Variants in LYZL4 observed in about 807,000 individuals in gnomAD.
LYZL4 encodes the protein lysozyme like 4, also known as lysozyme-like protein 4.
A neutral mutation model predicts 17.6 loss-of-function variants in LYZL4; 13 were observed. The observed-to-expected ratio is 0.74, with a 90% CI of 0.48 to 1.18. The LOEUF (loss-of-function observed/expected upper bound fraction) is 1.18. LYZL4 is among the 50% of genes most tolerant of loss of function. The probability of loss-of-function intolerance (pLI) is 0.00; values close to 1 mark genes in which losing one functional copy is unlikely to be tolerated. For synonymous variants in LYZL4, 64 were observed against 67.7 expected (o/e 0.95, Z 0.27); for missense variants, 174 against 188.2 (o/e 0.92, Z 0.44).
At chr3:42,395,933 G>A (rs568618844), downstream of LYZL4, among the ~76,000 whole-genome samples, 110 of 152,130 alleles carry the variant, frequency 7.2e-4, no homozygotes, top group African/African-American at 2.6e-3. Context: ...TTGTTGGTGC[G>A]TGCCTGCAAT....
chr3:42,382,559 A>G, the LYZL4 span, among the ~76,000 whole-genome samples: 1 of 151,874 alleles, frequency 6.6e-6, no homozygotes, highest in Non-Finnish European at 1.5e-5. Flanking sequence ...TCCTTATATA[A>G]CCCCAATCAT....
At chr3:42,376,567 GA>G in the LYZL4 span, among the ~76,000 whole-genome samples, 1 of 152,202 alleles carries the variant, frequency 6.6e-6, no homozygotes, top group Non-Finnish European at 1.5e-5. Context: ...ATAACTTCTG[GA>G]ACTTAAAAGA....
intron 4 of LYZL4, among the ~76,000 whole-genome samples, chr3:42,398,539 A>G (rs1185747843): frequency 1.3e-5 from 2 of 152,254 alleles, no homozygotes; most frequent in Admixed American, 6.5e-5. Context: ...TAAATTAGTG[A>G]TGAAAATGGG....
Position 42,397,323 on chromosome 3 carries a change from G to GC in LYZL4, c.382_383insG (p.Ser128CysfsTer35). 6.4e-7 allele frequency: 1 copy of GC among 1,572,664 alleles called. No individual in the cohort carries two copies. The highest frequency in any genetic ancestry group is 1.2e-5 in the South Asian group (1 of 85,212). On this transcript the variant is annotated frameshift_variant, in exon 5 of 5. Transcript: ENST00000287748. LOFTEE classifies it high-confidence loss of function. The stretch of plus-strand genomic sequence containing the variant: ...GGTATCGGAGTACTGGCAGTACCGG[G>GC]ACCAGGTGGGCCTGTGGAGAGAAGT...
At chr3:42,374,474 C>T in the LYZL4 span, among the ~76,000 whole-genome samples, 107,714 of 152,114 alleles carry the variant, frequency 0.71, 39,484 homozygotes, top group African/African-American at 0.91. Context: ...TACTTTTCAC[C>T]CAGCTTTGGG....
chr3:42,371,134 C>T, the LYZL4 span, among the ~76,000 whole-genome samples: 1 of 152,188 alleles, frequency 6.6e-6, no homozygotes, highest in Non-Finnish European at 1.5e-5. Context: ...CCTGGAACTC[C>T]CATCTCCCCT....
At chr3:42,408,463 AGGCCTC>A (rs1698803892) in intron 1 of LYZL4, among the ~76,000 whole-genome samples, 1 of 152,102 alleles carries the variant, frequency 6.6e-6, no homozygotes, top group Admixed American at 6.5e-5. Flanking sequence ...CTGCATCTTG[AGGCCTC>A]ACCCCGGGTG....
the LYZL4 span, among the ~76,000 whole-genome samples, chr3:42,369,764 C>A: frequency 1.3e-4 from 20 of 152,206 alleles, no homozygotes; most frequent in African/African-American, 4.8e-4. Flanking sequence ...ACCCCACAAC[C>A]CCTGCATGAT....
At chr3:42,361,562 TA>T in the LYZL4 span, among the ~76,000 whole-genome samples, 325 of 146,178 alleles carry the variant, frequency 2.2e-3, 6 homozygotes, top group East Asian at 0.049. Context: ...CCCCATCTCT[TA>T]AAAAAATTTT....
intron 3 of LYZL4, among the ~76,000 whole-genome samples, chr3:42,405,799 G>A (rs1443671356): frequency 6.6e-6 from 1 of 152,076 alleles, no homozygotes; most frequent in Non-Finnish European, 1.5e-5. Flanking sequence ...GTGGTCTTGG[G>A]CATATACTTA....
chr3:42,376,884 T>C, the LYZL4 span, among the ~76,000 whole-genome samples: 1 of 152,222 alleles, frequency 6.6e-6, no homozygotes, highest in Non-Finnish European at 1.5e-5. Context: ...AAGGGGAAAG[T>C]TTCTTCCTAT....
chr3:42,403,412 A>C (rs890601580), intron 4 of LYZL4, among the ~76,000 whole-genome samples: 5 of 152,186 alleles, frequency 3.3e-5, no homozygotes, highest in Non-Finnish European at 7.4e-5. Flanking sequence ...GGCACACACC[A>C]CCACACCCGA....
the LYZL4 span, among the ~76,000 whole-genome samples, chr3:42,370,969 C>T: frequency 1.3e-5 from 2 of 152,196 alleles, no homozygotes; most frequent in Admixed American, 6.5e-5. Flanking sequence ...TGCATCCAAC[C>T]GAAACAACCT....
At chr3:42,408,128 C>CG (rs757373729) in intron 1 of LYZL4, among the ~76,000 whole-genome samples, 23 of 152,168 alleles carry the variant, frequency 1.5e-4, no homozygotes, top group African/African-American at 5.1e-4. Context: ...TCCAACCCCC[C>CG]GGGCCAACTC....
chr3:42,392,860 T>C (rs573859408), downstream of LYZL4, among the ~76,000 whole-genome samples: 1 of 151,772 alleles, frequency 6.6e-6, no homozygotes, highest in African/African-American at 2.4e-5. Context: ...ATTTTTAAGG[T>C]GGTGGAGTTA....
the LYZL4 span, among the ~76,000 whole-genome samples, chr3:42,377,015 T>C: frequency 6.6e-6 from 1 of 152,228 alleles, no homozygotes; most frequent in Non-Finnish European, 1.5e-5. Flanking sequence ...GGGAATGTAA[T>C]AAATCTTCCA....
the LYZL4 span, among the ~76,000 whole-genome samples, chr3:42,371,062 A>G: frequency 1.1e-4 from 16 of 152,202 alleles, no homozygotes; most frequent in South Asian, 3.3e-3. Flanking sequence ...TCTATCTTCA[A>G]CTGCTGAGTC....
At chr3:42,383,777 A>G in the LYZL4 span, among the ~76,000 whole-genome samples, 1 of 152,168 alleles carries the variant, frequency 6.6e-6, no homozygotes, top group Admixed American at 6.5e-5. Context: ...AATGAAAAAT[A>G]AATGGAAGGT....
the LYZL4 span, among the ~76,000 whole-genome samples, chr3:42,363,053 C>G: frequency 6.6e-6 from 1 of 151,982 alleles, no homozygotes; most frequent in Admixed American, 6.6e-5. Flanking sequence ...GGTAGAAGAA[C>G]AAGTCAAGTG....
Sources: allele counts gnomAD v4.1 joint callset (sites outside exome capture counted in the v4.1 genomes callset), GRCh38; gene constraint gnomAD v4.1.1; transcripts MANE v1.5; gene names NCBI Gene and HGNC (gene_info 2026-07-23, HGNC 2026-07-21).